The following SAMD12 variants were observed in gnomAD, a reference collection of about 807,000 sequenced individuals.
SAMD12 encodes sterile alpha motif domain-containing protein 12.
In SAMD12, 9 loss-of-function variants were observed where a neutral mutation model predicts 15.0. That is an observed-to-expected ratio of 0.60 (90% CI 0.36 to 1.05). The LOEUF (loss-of-function observed/expected upper bound fraction) is 1.05. Among genes scored for constraint, SAMD12 ranks in the 50% least tolerant of loss-of-function variants. The pLI is 0.01. For missense variants in SAMD12, 230 were observed against 234.2 expected (o/e 0.98, Z 0.12); for synonymous variants, 86 against 90.1 (o/e 0.96, Z 0.25).
At chr8:118,221,043 C>T (rs1342338743) in intron 4 of SAMD12, among the ~76,000 whole-genome samples, 1 of 151,940 alleles carries the variant, frequency 6.6e-6, no homozygotes, top group African/African-American at 2.4e-5. Context: ...ACGGGGAAAA[C>T]TTCTTGAAGT....
At chr8:118,598,101 G>A (rs771127940) in intron 1 of SAMD12, among the ~76,000 whole-genome samples, 6 of 152,138 alleles carry the variant, frequency 3.9e-5, no homozygotes, top group Non-Finnish European at 7.4e-5. Flanking sequence ...TTTAAGGTCC[G>A]ATAAATGTAT....
At chr8:118,139,286 A>C in the SAMD12 span, among the ~76,000 whole-genome samples, 2 of 152,108 alleles carry the variant, frequency 1.3e-5, no homozygotes, top group Non-Finnish European at 2.9e-5. Flanking sequence ...AATGGCAAAG[A>C]AGGAAACATA....
At chr8:118,173,538 C>G in the SAMD12 span, among the ~76,000 whole-genome samples, 1 of 148,284 alleles carries the variant, frequency 6.7e-6, no homozygotes, top group East Asian at 1.9e-4. Context: ...GTGTTCTTGA[C>G]CATTATCTAA....
At chr8:118,606,097 C>T (rs181812851) in intron 1 of SAMD12, among the ~76,000 whole-genome samples, 5 of 152,128 alleles carry the variant, frequency 3.3e-5, no homozygotes, top group East Asian at 1.9e-4. Context: ...TAGGAAAAAA[C>T]GAAAGGAACT....
chr8:118,393,884 G>A (rs1157493060), intron 3 of SAMD12, among the ~76,000 whole-genome samples: 3 of 152,142 alleles, frequency 2.0e-5, no homozygotes, highest in Non-Finnish European at 4.4e-5. Context: ...TTACAGGGAT[G>A]AGCCACCAAG....
the SAMD12 span, among the ~76,000 whole-genome samples, chr8:118,134,653 C>T: frequency 6.6e-5 from 10 of 152,246 alleles, no homozygotes; most frequent in African/African-American, 9.6e-5. Flanking sequence ...CAGGTGATTC[C>T]GATGCCCAAT....
At chr8:118,239,094 T>C (rs35517235) in intron 4 of SAMD12, among the ~76,000 whole-genome samples, 1 of 152,120 alleles carries the variant, frequency 6.6e-6, no homozygotes, top group Non-Finnish European at 1.5e-5. Flanking sequence ...AGGGTATTCT[T>C]ATGCCATGAG....
intron 2 of SAMD12, among the ~76,000 whole-genome samples, chr8:118,538,550 T>C (rs1280297786): frequency 6.6e-6 from 1 of 152,146 alleles, no homozygotes; most frequent in Admixed American, 6.6e-5. Context: ...TGAGTTCCAA[T>C]GTAAAGTCCC....
chr8:118,616,052 G>GA (rs1322181221), intron 1 of SAMD12, among the ~76,000 whole-genome samples: 11 of 152,242 alleles, frequency 7.2e-5, no homozygotes, highest in African/African-American at 1.9e-4. Flanking sequence ...TCTGGTGCAG[G>GA]AAAGTCAGAT....
At position 118,378,714 on chromosome 8, in the gene SAMD12, T is replaced by C; in HGVS notation, c.*703A>G. On this transcript the variant is annotated 3_prime_UTR_variant, in exon 4 of 4. Transcript: ENST00000314727. ...TCCTTTCATTTAAAACGATGTACAA[T>C]GGACGCTAAAATAAAACAAATAAAG... The C allele has an allele frequency of 2.0e-6, 2 of 985,050 alleles. No homozygotes were observed. Among genetic ancestry groups the C allele is most frequent in the Non-Finnish European group, 2.4e-6 (2 of 829,584 alleles). 61.0% of individuals were successfully genotyped at this position (985,050 alleles called of 1,614,324 possible). A position where few individuals can be genotyped will look rare whatever the true frequency, so the allele number is the denominator to read the frequency against.
chr8:118,133,707 CTT>C, the SAMD12 span, among the ~76,000 whole-genome samples: 6 of 147,238 alleles, frequency 4.1e-5, no homozygotes, highest in Non-Finnish European at 7.5e-5. Flanking sequence ...AACAGCAAGA[CTT>C]TTTTTTTTTC....
At chr8:118,471,386 A>C (rs1294909868) in intron 2 of SAMD12, among the ~76,000 whole-genome samples, 1 of 152,226 alleles carries the variant, frequency 6.6e-6, no homozygotes, top group Non-Finnish European at 1.5e-5. Flanking sequence ...AGCATGAAGC[A>C]ATTTCATCGT....
chr8:118,475,268 C>T (rs1823922113), intron 2 of SAMD12, among the ~76,000 whole-genome samples: 1 of 151,814 alleles, frequency 6.6e-6, no homozygotes, highest in Admixed American at 6.6e-5. Flanking sequence ...ATAAAAAGAA[C>T]CTGGTACCTC....
At chr8:118,552,569 G>A (rs370874537) in intron 2 of SAMD12, among the ~76,000 whole-genome samples, 3 of 152,144 alleles carry the variant, frequency 2.0e-5, no homozygotes, top group South Asian at 2.1e-4. Flanking sequence ...CCCACAGCCA[G>A]TATCATATTG....
At chr8:118,199,492 A>C (rs1819652837) in intron 4 of SAMD12, among the ~76,000 whole-genome samples, 1 of 152,196 alleles carries the variant, frequency 6.6e-6, no homozygotes, top group African/African-American at 2.4e-5. Context: ...AAAATGTGTG[A>C]CCTTGGAAAA....
intron 4 of SAMD12, among the ~76,000 whole-genome samples, chr8:118,360,635 G>A (rs763250741): frequency 8.5e-5 from 13 of 152,164 alleles, no homozygotes; most frequent in Non-Finnish European, 1.8e-4. Flanking sequence ...AAGGGACCTC[G>A]AAGATGCTGT....
intron 2 of SAMD12, among the ~76,000 whole-genome samples, chr8:118,561,662 C>T (rs573134028): frequency 7.2e-4 from 110 of 152,242 alleles, no homozygotes; most frequent in Non-Finnish European, 1.4e-3. Flanking sequence ...AAGAACAGCA[C>T]GGAGATAACC....
downstream of SAMD12, among the ~76,000 whole-genome samples, chr8:118,187,305 A>G (rs917532907): frequency 9.2e-5 from 14 of 152,340 alleles, no homozygotes; most frequent in African/African-American, 3.1e-4. Flanking sequence ...AAAATAAGGG[A>G]AAGCTATTTT....
At chr8:118,391,172 T>A (rs1820256724) in intron 3 of SAMD12, among the ~76,000 whole-genome samples, 1 of 152,212 alleles carries the variant, frequency 6.6e-6, no homozygotes, top group Non-Finnish European at 1.5e-5. Context: ...TGTTTGGGAA[T>A]TTTGTCTTAG....
Sources: gnomAD v4.1 joint callset for allele counts (sites outside exome capture counted in the v4.1 genomes callset) on GRCh38, gnomAD v4.1.1 for gene constraint, MANE v1.5 for transcripts, NCBI Gene and HGNC (gene_info 2026-07-23, HGNC 2026-07-21) for gene names.